PHF12: variants seen among roughly 807,000 people sequenced by gnomAD.
PHF12 encodes PHD finger protein 12, also known as PHD factor 1.
In PHF12, 6 loss-of-function variants were observed where a neutral mutation model predicts 99.8. That is an observed-to-expected ratio of 0.06 (90% CI 0.03 to 0.12). The LOEUF (loss-of-function observed/expected upper bound fraction) is 0.12. Ranked by LOEUF, PHF12 falls within the 10% of genes least tolerant of loss-of-function variation. The probability of loss-of-function intolerance (pLI) is 1.00; values close to 1 mark genes in which losing one functional copy is unlikely to be tolerated. For synonymous variants in PHF12, 480 were observed against 514.9 expected (o/e 0.93, Z 0.92); for missense variants, 954 against 1,300.1 (o/e 0.73, Z 4.09).
At chr17:28,935,276 T>A (rs1425842432) in intron 2 of PHF12, among the ~76,000 whole-genome samples, 1 of 152,172 alleles carries the variant, frequency 6.6e-6, no homozygotes, top group Non-Finnish European at 1.5e-5. Context: ...TTATTTATTT[T>A]ATTTTTTTAT....
In PHF12 at chr17:28,911,363, A is replaced by G. The variant is rs578061922; in HGVS notation, c.2090-126T>C. 4.0e-5 allele frequency: 53 copies of G among 1,337,618 alleles called. No individual in the cohort carries two copies. In the Admixed American group the frequency reaches 6.6e-4, roughly 17 times the overall value. 82.9% of individuals were successfully genotyped at this position (1,337,618 alleles called of 1,614,324 possible). ...ATGTTCCCTTCTTGATTCTCAACCC[A>G]TAGGCTCTGGAACTCCTAGAGCTAA... On this transcript the variant is annotated intron_variant, in intron 9 of 14. Transcript: ENST00000332830.
intron 7 of PHF12, among the ~76,000 whole-genome samples, chr17:28,916,857 T>C (rs375394606): frequency 2.6e-5 from 4 of 152,252 alleles, no homozygotes; most frequent in African/African-American, 9.6e-5. Flanking sequence ...TTTAGATATT[T>C]TCCACTTAAG....
Position 28,908,900 on chromosome 17 carries a change from A to C in PHF12, c.2360-19T>G, listed in dbSNP as rs369449998. ...CTTTGCACTACAAGACAAACATAGG[A>C]ATAGGATCATTCAGAAACTCAGATC... On this transcript the variant is annotated intron_variant, in intron 11 of 14. Transcript: ENST00000332830. 3.0e-4 allele frequency: 480 copies of C among 1,601,288 alleles called. 7 individuals are homozygous for C. The South Asian group carries it at 5.1e-3, about 17-fold the overall frequency.
intron 2 of PHF12, among the ~76,000 whole-genome samples, chr17:28,935,015 A>G (rs1221166186): frequency 6.6e-6 from 1 of 152,220 alleles, no homozygotes; most frequent in Non-Finnish European, 1.5e-5. Flanking sequence ...GTAGCTTTTT[A>G]GCCAACAAGC....
Position 28,906,557 on chromosome 17 carries a change from G to A in PHF12, c.2681-40C>T, listed in dbSNP as rs763802148. ...GATGGTCACAGAAGAGGAACAGTGA[G>A]CAGCCAACCCATGTGGGCTGTTTGC... On this transcript the variant is annotated intron_variant, in intron 14 of 14. Coordinates refer to ENST00000332830, the MANE Select transcript of PHF12 (RefSeq NM_001033561.2). The surrounding 1 kb of genome is among the most constrained non-coding windows in gnomAD (Gnocchi z 4.2). The A allele has an allele frequency of 2.5e-5, 39 of 1,554,098 alleles. No homozygotes were observed. The highest frequency in any genetic ancestry group is 3.2e-5 in the Non-Finnish European group (37 of 1,144,260).
In PHF12 at chr17:28,926,686, T is replaced by A. The variant is rs937881861; in HGVS notation, c.321+305A>T. On this transcript the variant is annotated intron_variant, in intron 3 of 14. Coordinates refer to ENST00000332830, the MANE Select transcript of PHF12 (RefSeq NM_001033561.2). Reference sequence around the variant, plus strand: ...CAAGCTGGAGAAGCAGCCTTTGTTTTTCAGCCATGGATAAGGCCACTTATT... The same window carrying A: ...CAAGCTGGAGAAGCAGCCTTTGTTTATCAGCCATGGATAAGGCCACTTATT... The A allele has an allele frequency of 7.0e-6, 7 of 999,260 alleles. No homozygotes were observed. The South Asian group carries it at 1.1e-4, about 16-fold the overall frequency. The allele number at this position is 999,260 out of a possible 1,614,324, so 61.9% of individuals were successfully genotyped here.
intron 9 of PHF12, 136 bp from the exon 10 acceptor site, chr17:28,911,373 G>C (rs1358400024): frequency 8.1e-7 from 1 of 1,240,176 alleles, no homozygotes; most frequent in Non-Finnish European, 1.1e-6. Context: ...ATAGGCTCTG[G>C]AACTCCTAGA....
intron 3 of PHF12, 59 bp from the exon 4 acceptor site, chr17:28,924,361 G>A: frequency 6.2e-7 from 1 of 1,610,128 alleles, no homozygotes; most frequent in South Asian, 1.1e-5. Context: ...AGAGATGGGT[G>A]CTACAAAGTC....
chr17:28,951,053 G>A lies in PHF12; in HGVS notation c.-93C>T, dbSNP rs1004432922. 55 of 1,587,632 alleles carry A rather than the reference G, an allele frequency of 3.5e-5. No individual in the cohort carries two copies. Among genetic ancestry groups the A allele is most frequent in the Non-Finnish European group, 4.1e-5 (48 of 1,167,474 alleles). ...AGGGGAGGGGGCGCTCCTGACCCCG[G>A]CCCCGCTTTTTTCCCAATACGGGTC... On this transcript the variant is annotated 5_prime_UTR_variant, in exon 1 of 15. Coordinates refer to ENST00000332830, the MANE Select transcript of PHF12 (RefSeq NM_001033561.2).
intron 2 of PHF12, among the ~76,000 whole-genome samples, chr17:28,946,574 G>A (rs1167121960): frequency 6.6e-6 from 1 of 152,180 alleles, no homozygotes; most frequent in East Asian, 1.9e-4. Flanking sequence ...ACTGGATTCC[G>A]TTCACAGTGA....
intron 2 of PHF12, among the ~76,000 whole-genome samples, chr17:28,937,064 C>A (rs1408761210): frequency 6.6e-6 from 1 of 152,018 alleles, no homozygotes; most frequent in African/African-American, 2.4e-5. Context: ...AGAGAACCAG[C>A]CTTTTATAAA....
intron 13 of PHF12, 40 bp downstream of exon 13, chr17:28,907,549 AG>A (rs1391401445): frequency 2.5e-6 from 4 of 1,594,966 alleles, no homozygotes; most frequent in Non-Finnish European, 3.4e-6. Context: ...GAGAGGCCTC[AG>A]GTTGGGAAAG....
At position 28,951,420 on chromosome 17, in the gene PHF12, C is replaced by T. The variant is rs1165530024; in HGVS notation, c.-460G>A. Reference sequence around the variant, plus strand: ...GGTCCCCGGGCTCCGCCTCTCGCCGCCGCCGCCGTCTGCGTCCCGGCTGCC... The same window carrying T: ...GGTCCCCGGGCTCCGCCTCTCGCCGTCGCCGCCGTCTGCGTCCCGGCTGCC... On this transcript the variant is annotated 5_prime_UTR_variant, in exon 1 of 15. Coordinates refer to ENST00000332830, the MANE Select transcript of PHF12 (RefSeq NM_001033561.2). 4.1e-6 allele frequency: 4 copies of T among 987,208 alleles called. No homozygotes were observed. The highest frequency in any genetic ancestry group is 3.6e-6 in the Non-Finnish European group (3 of 831,228). The allele number at this position is 987,208 out of a possible 1,614,324, so 61.2% of individuals were successfully genotyped here. A position where few individuals can be genotyped will look rare whatever the true frequency, so the allele number is the denominator to read the frequency against.
At chr17:28,940,704 G>T (rs2040597415) in intron 2 of PHF12, among the ~76,000 whole-genome samples, 1 of 152,200 alleles carries the variant, frequency 6.6e-6, no homozygotes, top group South Asian at 2.1e-4. Flanking sequence ...GCAGAAAAAG[G>T]AGTCACATTC....
At chr17:28,917,756 G>A (rs2040088534) in intron 6 of PHF12, among the ~76,000 whole-genome samples, 1 of 152,188 alleles carries the variant, frequency 6.6e-6, no homozygotes, top group Non-Finnish European at 1.5e-5. Context: ...TTCTGTTCCA[G>A]CTCAGAGAAG....
At chr17:28,920,427 A>G (rs1325482249) in intron 5 of PHF12, among the ~76,000 whole-genome samples, 1 of 152,262 alleles carries the variant, frequency 6.6e-6, no homozygotes, top group Admixed American at 6.5e-5. Context: ...CAGAGACTAT[A>G]ACTGGGGCAG....
rs534027723 is a variant in PHF12, at chr17:28,950,622, G to T, written c.66+273C>A. On this transcript the variant is annotated intron_variant, in intron 1 of 14. Transcript: ENST00000332830. This position sits in a 1 kb window ranked among gnomAD's most constrained non-coding sequence, Gnocchi z 5.7. The stretch of plus-strand genomic sequence containing the variant: ...GAAGCACAAAGGGGCCAACAAGAAG[G>T]GGGTGGGGAGGCCTGCCGGTGCAAC... The T allele has an allele frequency of 2.4e-5, 13 of 538,652 alleles. No homozygotes were observed. Among genetic ancestry groups the T allele is most frequent in the Admixed American group, 2.1e-4 (6 of 28,954 alleles). 33.4% of individuals were successfully genotyped at this position (538,652 alleles called of 1,614,324 possible). A position where few individuals can be genotyped will look rare whatever the true frequency, so the allele number is the denominator to read the frequency against.
chr17:28,936,886 G>A (rs1025886428), intron 2 of PHF12, among the ~76,000 whole-genome samples: 2 of 152,120 alleles, frequency 1.3e-5, no homozygotes, highest in Admixed American at 6.5e-5. Context: ...ATAAATACAT[G>A]CTCAGAACTA....
At chr17:28,907,079 G>T in intron 13 of PHF12, 85 bp from the exon 14 acceptor site, 1 of 1,447,524 alleles carries the variant, frequency 6.9e-7, no homozygotes, top group South Asian at 1.3e-5. Context: ...GGAGAAGGCC[G>T]TGCTACTCTA....
Sources: allele counts gnomAD v4.1 joint callset (sites outside exome capture counted in the v4.1 genomes callset), GRCh38; gene constraint gnomAD v4.1.1; non-coding constraint Gnocchi (gnomAD v3.1); transcripts MANE v1.5; gene names NCBI Gene and HGNC (gene_info 2026-07-23, HGNC 2026-07-21).